IFT25: variants seen among roughly 807,000 people sequenced by gnomAD.
The protein encoded by IFT25 is intraflagellar transport protein 25 homolog.
chr1:53,932,520 T>TTG, the IFT25 span, among the ~76,000 whole-genome samples: 1 of 152,208 alleles, frequency 6.6e-6, no homozygotes, highest in African/African-American at 2.4e-5. Flanking sequence ...AATCTTGAAA[T>TTG]ATATTGAGAC....
At chr1:53,928,618 T>C in the IFT25 span, 15 of 542,010 alleles carry the variant, frequency 2.8e-5, no homozygotes, top group Admixed American at 5.2e-4. Flanking sequence ...TAAAATATAG[T>C]CTTGTGTAAC....
chr1:53,921,007 T>TACAAAAAAC, the IFT25 span, among the ~76,000 whole-genome samples: 2 of 152,040 alleles, frequency 1.3e-5, no homozygotes, highest in African/African-American at 2.4e-5. Context: ...ACCCCTTCTC[T>TACAAAAAAC]ACAAAAAATA....
chr1:53,943,855 C>A, the IFT25 span, among the ~76,000 whole-genome samples: 2 of 152,174 alleles, frequency 1.3e-5, no homozygotes, highest in South Asian at 2.1e-4. Context: ...CTCGTGAGCT[C>A]AAGCGATCCG....
At chr1:53,923,842 A>G in the IFT25 span, 1 of 937,284 alleles carries the variant, frequency 1.1e-6, no homozygotes, top group South Asian at 1.3e-5. Context: ...CTATGGAGAT[A>G]GGTTAAAGTC....
chr1:53,944,415 CA>C, the IFT25 span, among the ~76,000 whole-genome samples: 1,361 of 152,306 alleles, frequency 8.9e-3, 23 homozygotes, highest in African/African-American at 0.03. Context: ...GAGGCCCAGG[CA>C]GGCGGATCAC....
At chr1:53,945,241 G>T in the IFT25 span, among the ~76,000 whole-genome samples, 1 of 152,190 alleles carries the variant, frequency 6.6e-6, no homozygotes, top group Non-Finnish European at 1.5e-5. Context: ...GTTACGTTGC[G>T]GCTGACAGCT....
chr1:53,942,539 G>A, the IFT25 span, among the ~76,000 whole-genome samples: 1 of 152,138 alleles, frequency 6.6e-6, no homozygotes, highest in Non-Finnish European at 1.5e-5. Flanking sequence ...CATAAAACCT[G>A]AAATATTTAC....
chr1:53,933,106 A>G, the IFT25 span, among the ~76,000 whole-genome samples: 1 of 150,134 alleles, frequency 6.7e-6, no homozygotes, highest in African/African-American at 2.4e-5. Context: ...GTCCATATAC[A>G]CTTAGGATTA....
At chr1:53,919,689 T>A in the IFT25 span, among the ~76,000 whole-genome samples, 1 of 152,202 alleles carries the variant, frequency 6.6e-6, no homozygotes, top group Non-Finnish European at 1.5e-5. Flanking sequence ...ATCAATAGAT[T>A]CAGATCCCTG....
chr1:53,912,629 T>C, the IFT25 span, among the ~76,000 whole-genome samples: 1 of 152,064 alleles, frequency 6.6e-6, no homozygotes, highest in African/African-American at 2.4e-5. Context: ...CTGGAGAAGA[T>C]GGGAAGGGAG....
chr1:53,930,495 T>G, the IFT25 span, among the ~76,000 whole-genome samples: 2 of 152,228 alleles, frequency 1.3e-5, no homozygotes, highest in African/African-American at 4.8e-5. Flanking sequence ...CTGGGCCACT[T>G]AAAATTCTGC....
chr1:53,933,005 A>G, the IFT25 span, among the ~76,000 whole-genome samples: 2 of 152,186 alleles, frequency 1.3e-5, no homozygotes, highest in Non-Finnish European at 2.9e-5. Flanking sequence ...AGAAAAGGGT[A>G]TTAAAATCTC....
chr1:53,914,303 T>G, the IFT25 span, among the ~76,000 whole-genome samples: 5 of 152,312 alleles, frequency 3.3e-5, no homozygotes, highest in Admixed American at 6.5e-5. Flanking sequence ...ACTTAGTGAG[T>G]GGGCGTCCCA....
At chr1:53,940,112 A>G in the IFT25 span, 4 of 1,310,450 alleles carry the variant, frequency 3.1e-6, no homozygotes, top group Non-Finnish European at 4.3e-6. Flanking sequence ...AAATTAAAAA[A>G]TAACAAAAAA....
chr1:53,930,044 T>G, the IFT25 span: 5 of 1,542,752 alleles, frequency 3.2e-6, 1 homozygote, highest in Middle Eastern at 7.3e-4. Context: ...CTTACCAAAG[T>G]AACTTTGGAT....
the IFT25 span, among the ~76,000 whole-genome samples, chr1:53,925,868 AGGTG>A: frequency 3.3e-5 from 5 of 151,456 alleles, no homozygotes; most frequent in Non-Finnish European, 7.4e-5. Context: ...TGGGAAGCTG[AGGTG>A]GGTGGACGAT....
the IFT25 span, chr1:53,921,756 G>A: frequency 6.2e-7 from 1 of 1,607,644 alleles, no homozygotes; most frequent in East Asian, 2.2e-5. Flanking sequence ...AAGTAGCGGA[G>A]CCATCATGTG....
chr1:53,943,956 G>C, the IFT25 span, among the ~76,000 whole-genome samples: 12 of 152,104 alleles, frequency 7.9e-5, no homozygotes, highest in African/African-American at 2.4e-4. Flanking sequence ...TTACACTTTA[G>C]GGTTGATATG....
chr1:53,921,604 T>A, the IFT25 span: 1 of 1,069,380 alleles, frequency 9.4e-7, no homozygotes, highest in South Asian at 1.3e-5. Context: ...GACAACTTCC[T>A]GTTTAAATAT....
Sources: gnomAD v4.1 joint callset for allele counts (sites outside exome capture counted in the v4.1 genomes callset) on GRCh38, gnomAD v4.1.1 for gene constraint, MANE v1.5 for transcripts, NCBI Gene and HGNC (gene_info 2026-07-23, HGNC 2026-07-21) for gene names.